The following ADAMTSL1 variants were observed in gnomAD, a reference collection of about 807,000 sequenced individuals.
The protein encoded by ADAMTSL1 is ADAMTS-like protein 1.
Under a neutral mutation model 201.8 loss-of-function variants are expected in ADAMTSL1, and 126 were observed. The ratio of observed to expected loss-of-function variants is 0.62; its 90% confidence interval spans 0.54 to 0.72. ADAMTSL1 has a LOEUF of 0.72. Ranked by LOEUF, ADAMTSL1 falls within the 30% of genes least tolerant of loss-of-function variation. The probability of loss-of-function intolerance (pLI) is 0.00; values close to 1 mark genes in which losing one functional copy is unlikely to be tolerated. For missense variants in ADAMTSL1, 2,679 were observed against 2,277.8 expected, an observed-to-expected ratio of 1.18 and a Z score of -3.59; for synonymous variants, 1,121 against 903.4, an observed-to-expected ratio of 1.24 and a Z score of -4.32.
chr9:18,807,573 G>C (rs1387223504), intron 20 of ADAMTSL1, among the ~76,000 whole-genome samples: 1 of 150,896 alleles, frequency 6.6e-6, no homozygotes, highest in Non-Finnish European at 1.5e-5. Context: ...GTGAACCCGG[G>C]AGGCGGAGCT....
rs926237831 is a variant in ADAMTSL1 at position 18,680,376 on chromosome 9, G to T, written c.1201G>T (p.Val401Phe). Residue 401 changes from valine (V) to phenylalanine (F), a missense_variant, in exon 11 of 29, where the codon GTT becomes TTT. Transcript: ENST00000380548. ...SCGGGIQSRA[V>F]SCVEEDIQGH... is the part of the protein sequence containing the mutation. ...TGGGGGGGGCATCCAGAGCCGGGCA[G>T]TTTCCTGTGTGGAGGAGGACATCCA... The T allele has an allele frequency of 1.1e-5, 17 of 1,614,172 alleles. No homozygotes were observed. Among genetic ancestry groups the T allele is most frequent in the Non-Finnish European group, 1.4e-5 (17 of 1,180,020 alleles).
chr9:18,829,791 T>TA (rs1824858547), intron 22 of ADAMTSL1, 52 bp from the exon 23 acceptor site: 7 of 1,609,444 alleles, frequency 4.3e-6, no homozygotes, highest in Middle Eastern at 1.7e-4. Context: ...CCTCTTGCCT[T>TA]GACACAGCCC....
intron 1 of ADAMTSL1, among the ~76,000 whole-genome samples, chr9:17,923,627 G>A (rs1340562303): frequency 8.3e-6 from 1 of 120,354 alleles, no homozygotes; most frequent in African/African-American, 3.1e-5. Context: ...TCCTTCTCCT[G>A]CCTAATTGCC....
At chr9:18,504,385 A>C (rs771688806) in intron 1 of ADAMTSL1, among the ~76,000 whole-genome samples, 3 of 152,208 alleles carry the variant, frequency 2.0e-5, no homozygotes, top group Non-Finnish European at 4.4e-5. Context: ...AAAATTGTCG[A>C]TGGTATAAAA....
chr9:18,146,637 AC>A (rs1017486331), intron 1 of ADAMTSL1, among the ~76,000 whole-genome samples: 6 of 152,248 alleles, frequency 3.9e-5, no homozygotes, highest in Non-Finnish European at 7.4e-5. Flanking sequence ...AATGGCAGAT[AC>A]ATTACACTAA....
At chr9:18,817,791 G>A (rs1823955783) in intron 21 of ADAMTSL1, among the ~76,000 whole-genome samples, 1 of 152,260 alleles carries the variant, frequency 6.6e-6, no homozygotes, top group Admixed American at 6.5e-5. Flanking sequence ...CCTGAACTCA[G>A]GGCAGTGAGG....
intron 1 of ADAMTSL1, among the ~76,000 whole-genome samples, chr9:17,959,289 C>T (rs1279892981): frequency 6.6e-6 from 1 of 152,016 alleles, no homozygotes. Flanking sequence ...ACTTTTTTCT[C>T]GTCTTCTTTT....
chr9:18,814,783 TA>T (rs1324844364), intron 20 of ADAMTSL1, among the ~76,000 whole-genome samples: 2 of 152,152 alleles, frequency 1.3e-5, no homozygotes, highest in African/African-American at 4.8e-5. Flanking sequence ...GTACTAGGTT[TA>T]ATACCTGGCT....
At chr9:18,067,209 C>G (rs1822744795) in intron 1 of ADAMTSL1, among the ~76,000 whole-genome samples, 1 of 152,156 alleles carries the variant, frequency 6.6e-6, no homozygotes, top group Admixed American at 6.5e-5. Context: ...TATTTACTAG[C>G]CATGTAAATT....
intron 1 of ADAMTSL1, among the ~76,000 whole-genome samples, chr9:18,033,722 C>T (rs552521273): frequency 7.2e-5 from 11 of 152,314 alleles, no homozygotes; most frequent in African/African-American, 2.6e-4. Context: ...TCACCGTCTG[C>T]ACGCTATAGT....
intron 2 of ADAMTSL1, among the ~76,000 whole-genome samples, chr9:18,227,309 G>C (rs992984124): frequency 6.6e-6 from 1 of 151,970 alleles, no homozygotes; most frequent in Non-Finnish European, 1.5e-5. Flanking sequence ...TGCTCAAAGA[G>C]AAATCAGATA....
intron 4 of ADAMTSL1, among the ~76,000 whole-genome samples, chr9:18,575,840 A>G (rs1822681806): frequency 1.3e-5 from 2 of 152,182 alleles, no homozygotes; most frequent in Admixed American, 1.3e-4. Context: ...TATTGCTACT[A>G]TATTACCCTG....
At chr9:18,427,693 C>G (rs1002431644) in intron 2 of ADAMTSL1, among the ~76,000 whole-genome samples, 5 of 152,228 alleles carry the variant, frequency 3.3e-5, no homozygotes, top group Admixed American at 1.3e-4. Context: ...CAGGACCTGC[C>G]TTGAGGCTTG....
At chr9:18,053,355 CA>C (rs953867283) in intron 1 of ADAMTSL1, among the ~76,000 whole-genome samples, 10 of 149,368 alleles carry the variant, frequency 6.7e-5, no homozygotes, top group East Asian at 2.0e-4. Context: ...CTCTCTCTCT[CA>C]AAAAAAAATA....
At chr9:18,696,974 G>T (rs904765404) in intron 13 of ADAMTSL1, among the ~76,000 whole-genome samples, 7 of 151,258 alleles carry the variant, frequency 4.6e-5, no homozygotes, top group African/African-American at 1.5e-4. Flanking sequence ...CCACCTCCCG[G>T]GTTCAAGTCA....
intron 1 of ADAMTSL1, among the ~76,000 whole-genome samples, chr9:18,072,493 G>T (rs1295250858): frequency 6.6e-6 from 1 of 152,122 alleles, no homozygotes; most frequent in Non-Finnish European, 1.5e-5. Context: ...AACACAGCTT[G>T]CTAGTATACT....
chr9:18,776,771 C>T lies in ADAMTSL1; in HGVS notation c.2552-10C>T. ...CTTTCTCTGTCCCTTCGGGTTCGCT[C>T]TCCTTCCAGGGCCCGGGCGGCCATC... On this transcript the variant is annotated splice_polypyrimidine_tract_variant and intron_variant, in intron 18 of 28. Coordinates refer to ENST00000380548, the MANE Select transcript of ADAMTSL1 (RefSeq NM_001040272.6). The T allele has an allele frequency of 6.5e-7, 1 of 1,538,704 alleles. No homozygotes were observed. The highest frequency in any genetic ancestry group is 8.7e-7 in the Non-Finnish European group (1 of 1,143,862).
intron 26 of ADAMTSL1, among the ~76,000 whole-genome samples, chr9:18,894,598 G>A (rs970914487): frequency 6.6e-6 from 1 of 151,840 alleles, no homozygotes; most frequent in Non-Finnish European, 1.5e-5. Flanking sequence ...GTTCTGAATT[G>A]AACAACTAGA....
chr9:18,189,704 CT>C (rs1406843424), intron 2 of ADAMTSL1, among the ~76,000 whole-genome samples: 1 of 152,084 alleles, frequency 6.6e-6, no homozygotes, highest in Non-Finnish European at 1.5e-5. Context: ...AGGAAATTAA[CT>C]CCTTCAGCTC....
Sources: gnomAD v4.1 joint callset for allele counts (sites outside exome capture counted in the v4.1 genomes callset) on GRCh38, gnomAD v4.1.1 for gene constraint, MANE v1.5 for transcripts, NCBI Gene and HGNC (gene_info 2026-07-23, HGNC 2026-07-21) for gene names.